The following ZNF33B variants were observed in gnomAD, a reference collection of about 807,000 sequenced individuals.
ZNF33B encodes zinc finger protein 33B.
In ZNF33B, 29 loss-of-function variants were observed where a neutral mutation model predicts 45.8. The ratio of observed to expected loss-of-function variants is 0.63; its 90% CI spans 0.47 to 0.86. ZNF33B has a LOEUF of 0.86. ZNF33B is among the 40% of genes least tolerant of loss of function. ZNF33B has a pLI of 0.00. For synonymous variants in ZNF33B, 305 were observed against 307.8 expected, an observed-to-expected ratio of 0.99 and a Z score of 0.10; for missense variants, 831 against 909.9, an observed-to-expected ratio of 0.91 and a Z score of 1.12.
chr10:42,601,468 GTTTTTT>G (rs57196690), intron 4 of ZNF33B, among the ~76,000 whole-genome samples: 2 of 79,442 alleles, frequency 2.5e-5, no homozygotes, highest in African/African-American at 5.0e-5. Context: ...ACATGGGCTT[GTTTTTT>G]TTTTTTTTTT....
At position 42,594,590 on chromosome 10, in the gene ZNF33B, A is replaced by G. The variant is rs74137907; in HGVS notation, c.360T>C (p.Asn120=). The change falls in exon 5 of 5, where the codon AAT becomes AAC. Residue 120 remains asparagine, a synonymous_variant. Coordinates refer to ENST00000359467, the MANE Select transcript of ZNF33B (RefSeq NM_006955.3). The part of the protein sequence containing the change: ...NNEMLTKEQG[N]VIGIPFNMDV... ...CCATGTTAAATGGTATTCCTATTAC[A>G]TTACCTTGTTCCTTAGTCAGCATTT... 15,859 of 1,612,490 alleles carry G rather than the reference A, an allele frequency of 9.8e-3. 1,039 individuals are homozygous for G. In the African/African-American group the frequency reaches 0.16, roughly 16 times the overall value.
intron 1 of ZNF33B, among the ~76,000 whole-genome samples, chr10:42,575,012 T>A (rs749513695): frequency 1.3e-5 from 2 of 152,194 alleles, no homozygotes; most frequent in Non-Finnish European, 2.9e-5. Flanking sequence ...ACCAAGGGTA[T>A]TACATGTCTC....
At chr10:42,596,189 A>C (rs1837392802) in intron 4 of ZNF33B, among the ~76,000 whole-genome samples, 1 of 151,910 alleles carries the variant, frequency 6.6e-6, no homozygotes, top group East Asian at 1.9e-4. Flanking sequence ...AAAACTGTCC[A>C]AAACTAAAAG....
Position 42,589,879 on chromosome 10 carries a change from G to C in ZNF33B, c.*2734C>G, listed in dbSNP as rs537283569. On this transcript the variant is annotated 3_prime_UTR_variant, in exon 5 of 5. Transcript: ENST00000359467. ...GTTCCTTGCCATGTTCCTGATCTTAGTAGGAAAGCATTTAGTTGGAAACAT... is the reference window on the plus strand; with the variant it reads ...GTTCCTTGCCATGTTCCTGATCTTACTAGGAAAGCATTTAGTTGGAAACAT... The C allele has an allele frequency of 6.6e-6, 1 of 152,140 alleles. No homozygotes were observed. Among genetic ancestry groups the C allele is most frequent in the African/African-American group, 2.4e-5 (1 of 41,408 alleles). The allele number at this position is 152,140 out of a possible 1,614,324, so 9.4% of individuals were successfully genotyped here.
chr10:42,598,566 T>G (rs555147470), intron 4 of ZNF33B, among the ~76,000 whole-genome samples: 2 of 152,270 alleles, frequency 1.3e-5, no homozygotes, highest in African/African-American at 4.8e-5. Flanking sequence ...AGTTCAAAGA[T>G]AAAACTGTGA....
At chr10:42,617,092 CTTTTTTTTT>C (rs199977911) in intron 4 of ZNF33B, among the ~76,000 whole-genome samples, 22 of 61,210 alleles carry the variant, frequency 3.6e-4, no homozygotes, top group Middle Eastern at 0.019. Flanking sequence ...CATTTTTTCT[CTTTTTTTTT>C]TTTTTTTTTT....
At chr10:42,585,335 A>G (rs531072785), downstream of ZNF33B, among the ~76,000 whole-genome samples, 1 of 152,224 alleles carries the variant, frequency 6.6e-6, no homozygotes, top group African/African-American at 2.4e-5. Context: ...GGCAGTCTGG[A>G]CAATGCACAA....
chr10:42,637,010 T>C (rs544136677), intron 1 of ZNF33B, 38 bp from the exon 2 acceptor site: 1 of 1,605,126 alleles, frequency 6.2e-7, no homozygotes, highest in South Asian at 1.1e-5. Flanking sequence ...ATGAAAGATT[T>C]GGCCTGCCTG....
At chr10:42,580,464 C>T (rs1417502379) in intron 1 of ZNF33B, among the ~76,000 whole-genome samples, 2 of 151,574 alleles carry the variant, frequency 1.3e-5, no homozygotes, top group African/African-American at 2.4e-5. Context: ...TCTTGAACTC[C>T]TGGCCTCAAG....
chr10:42,608,761 A>G (rs1385294644), intron 4 of ZNF33B, among the ~76,000 whole-genome samples: 1 of 152,136 alleles, frequency 6.6e-6, no homozygotes, highest in Non-Finnish European at 1.5e-5. Context: ...AAGCAAGAAG[A>G]AGGCAGGAAG....
At chr10:42,633,336 C>G (rs1333276722) in intron 2 of ZNF33B, among the ~76,000 whole-genome samples, 1 of 152,120 alleles carries the variant, frequency 6.6e-6, no homozygotes, top group Non-Finnish European at 1.5e-5. Context: ...TTTTAGGGAT[C>G]ACTGCTGTGA....
chr10:42,636,506 A>G (rs1839307225), intron 2 of ZNF33B, among the ~76,000 whole-genome samples: 1 of 152,142 alleles, frequency 6.6e-6, no homozygotes, highest in Non-Finnish European at 1.5e-5. Context: ...ATTTTTATCT[A>G]TTACTAATTT....
At chr10:42,636,791 G>A (rs1839324367) in intron 2 of ZNF33B, 129 bp downstream of exon 2, 3 of 1,325,406 alleles carry the variant, frequency 2.3e-6, no homozygotes, top group Non-Finnish European at 1.1e-6. Context: ...TGGAGACACT[G>A]CGCTCCAGCC....
At chr10:42,604,130 C>T (rs1837742515) in intron 4 of ZNF33B, among the ~76,000 whole-genome samples, 1 of 152,182 alleles carries the variant, frequency 6.6e-6, no homozygotes. Flanking sequence ...TCAGACTTAG[C>T]TGACCTCAAA....
intron 4 of ZNF33B, among the ~76,000 whole-genome samples, chr10:42,595,637 G>A (rs1424335014): frequency 5.9e-5 from 9 of 152,062 alleles, no homozygotes; most frequent in Admixed American, 3.3e-4. Flanking sequence ...TAATACAATG[G>A]CATTCATGTC....
chr10:42,575,466 T>C (rs1324370076), intron 1 of ZNF33B, among the ~76,000 whole-genome samples: 2 of 152,038 alleles, frequency 1.3e-5, no homozygotes, highest in Admixed American at 6.6e-5. Flanking sequence ...GACATTTCTG[T>C]TTTTTTAACC....
In ZNF33B at chr10:42,594,647, T is replaced by A. The variant is rs146961023; in HGVS notation, c.303A>T (p.Lys101Asn). The change falls in exon 5 of 5, where the codon AAA becomes AAT. Residue 101 changes from lysine to asparagine, a missense_variant. By Grantham distance (94) the Lys-to-Asn change is moderately conservative. Coordinates refer to ENST00000359467, the MANE Select transcript of ZNF33B (RefSeq NM_006955.3). ...TGATGAATACAACTTCCCACAAATGTTTAGATTGATTTTCTTGGCTCCTCT... is the reference window on the plus strand; with the variant it reads ...TGATGAATACAACTTCCCACAAATGATTAGATTGATTTTCTTGGCTCCTCT... ...LKERSQENQS[K>N]HLWEVVFINN... 3.1e-6 allele frequency: 5 copies of A among 1,601,290 alleles called. No individual in the cohort carries two copies. Among genetic ancestry groups the A allele is most frequent in the Non-Finnish European group, 4.3e-6 (5 of 1,175,934 alleles).
At chr10:42,627,765 GC>G (rs1838874031) in intron 4 of ZNF33B, among the ~76,000 whole-genome samples, 1 of 151,888 alleles carries the variant, frequency 6.6e-6, no homozygotes, top group Admixed American at 6.6e-5. Context: ...TAAATTTGAG[GC>G]CCCTTCTTCA....
At chr10:42,616,771 C>T (rs1838337552) in intron 4 of ZNF33B, among the ~76,000 whole-genome samples, 1 of 152,170 alleles carries the variant, frequency 6.6e-6, no homozygotes, top group Non-Finnish European at 1.5e-5. Flanking sequence ...TTTCGGCTCA[C>T]TGCAACCTCC....
Sources: allele counts gnomAD v4.1 joint callset (sites outside exome capture counted in the v4.1 genomes callset), GRCh38; gene constraint gnomAD v4.1.1; transcripts MANE v1.5; gene names NCBI Gene and HGNC (gene_info 2026-07-23, HGNC 2026-07-21).